IGF1R: variants seen among roughly 807,000 people sequenced by gnomAD.
IGF1R encodes insulin like growth factor 1 receptor.
In IGF1R, 44 loss-of-function variants were observed where a neutral mutation model predicts 144.6. The observed-to-expected ratio is 0.30, with a 90% CI of 0.24 to 0.39. The LOEUF (loss-of-function observed/expected upper bound fraction) is 0.39. Ranked by LOEUF, IGF1R falls within the 10% of genes least tolerant of loss-of-function variation. The probability of loss-of-function intolerance (pLI) is 1.00; values close to 1 mark genes in which losing one functional copy is unlikely to be tolerated. For synonymous variants in IGF1R, 795 were observed against 722.8 expected, an observed-to-expected ratio of 1.10 and a Z score of -1.60; for missense variants, 1,355 against 1,833.7, an observed-to-expected ratio of 0.74 and a Z score of 4.77.
chr15:98,757,449 C>T (rs182386532), intron 2 of IGF1R, among the ~76,000 whole-genome samples: 1 of 152,134 alleles, frequency 6.6e-6, no homozygotes, highest in Non-Finnish European at 1.5e-5. Context: ...CAGGTGTGAG[C>T]CACCACACCG....
chr15:98,853,457 T>C (rs2011626860), intron 2 of IGF1R, among the ~76,000 whole-genome samples: 1 of 152,186 alleles, frequency 6.6e-6, no homozygotes, highest in Non-Finnish European at 1.5e-5. Context: ...GCAGGCAAAA[T>C]GGCAAAATAC....
intron 2 of IGF1R, among the ~76,000 whole-genome samples, chr15:98,867,770 A>G (rs971031459): frequency 3.9e-5 from 6 of 152,230 alleles, no homozygotes; most frequent in African/African-American, 1.4e-4. Flanking sequence ...AGCCATTGTG[A>G]TTAAACACTA....
chr15:98,741,401 C>T (rs1445964260), intron 2 of IGF1R, among the ~76,000 whole-genome samples: 1 of 151,968 alleles, frequency 6.6e-6, no homozygotes, highest in Non-Finnish European at 1.5e-5. Context: ...AATAGTTTTG[C>T]CATTTGGTCT....
intron 2 of IGF1R, among the ~76,000 whole-genome samples, chr15:98,800,353 C>T (rs1379050949): frequency 6.6e-6 from 1 of 152,052 alleles, no homozygotes; most frequent in Non-Finnish European, 1.5e-5. Flanking sequence ...TAGCAGGCTG[C>T]ATAAAGTCTG....
chr15:98,649,929 C>T (rs1056342447), intron 1 of IGF1R, among the ~76,000 whole-genome samples: 1 of 152,186 alleles, frequency 6.6e-6, no homozygotes, highest in Non-Finnish European at 1.5e-5. Flanking sequence ...CTTTCTCCGT[C>T]CTGACAGCCC....
intron 14 of IGF1R, 117 bp downstream of exon 14, chr15:98,929,777 T>A: frequency 1.3e-6 from 1 of 763,002 alleles, no homozygotes; most frequent in African/African-American, 1.7e-5. Context: ...CTGGAAAACC[T>A]GATTTTCCCA....
rs1458417212 is a variant in IGF1R, at chr15:98,704,671, A to G, written c.95-2891A>G. ...AAGTACTGTTTTAGGCACTGGTGATATAATTGTGAACCAACTGGAGCTGCG... is the reference window on the plus strand; with the variant it reads ...AAGTACTGTTTTAGGCACTGGTGATGTAATTGTGAACCAACTGGAGCTGCG... On this transcript the variant is annotated intron_variant, in intron 1 of 20. Transcript: ENST00000650285. The surrounding 1 kb of genome is among the most constrained non-coding windows in gnomAD (Gnocchi z 4.9). Among the ~76,000 whole-genome samples, 3 of 152,194 alleles carry G rather than the reference A, an allele frequency of 2.0e-5. No homozygotes were observed. The highest frequency in any genetic ancestry group is 7.2e-5 in the African/African-American group (3 of 41,448).
intron 12 of IGF1R, 149 bp from the exon 13 acceptor site, chr15:98,924,376 A>T: frequency 1.2e-6 from 1 of 833,122 alleles, no homozygotes; most frequent in East Asian, 2.4e-5. Flanking sequence ...TTAAGATTTG[A>T]TTTCTTTGTC....
chr15:98,795,947 T>G (rs2141424877), intron 2 of IGF1R, among the ~76,000 whole-genome samples: 1 of 152,352 alleles, frequency 6.6e-6, no homozygotes, highest in Admixed American at 6.5e-5. Context: ...AGATTTATAA[T>G]TTACTTTTTG....
At chr15:98,672,106 T>A (rs1265488924) in intron 1 of IGF1R, among the ~76,000 whole-genome samples, 1 of 152,198 alleles carries the variant, frequency 6.6e-6, no homozygotes, top group Non-Finnish European at 1.5e-5. Context: ...TCATAATGTT[T>A]AATGTTTATT....
chr15:98,789,269 C>T (rs7164784), intron 2 of IGF1R, among the ~76,000 whole-genome samples: 7,681 of 152,252 alleles, frequency 0.05, 645 homozygotes, highest in African/African-American at 0.17. Flanking sequence ...ACACATTGTT[C>T]TAGGCTTCTA....
intron 2 of IGF1R, among the ~76,000 whole-genome samples, chr15:98,759,134 T>C (rs1179162066): frequency 6.6e-6 from 1 of 152,192 alleles, no homozygotes; most frequent in Non-Finnish European, 1.5e-5. Flanking sequence ...ATCAATTGTA[T>C]GCCTGTAAGT....
chr15:98,680,130 C>T (rs977900658), intron 1 of IGF1R, among the ~76,000 whole-genome samples: 1 of 152,066 alleles, frequency 6.6e-6, no homozygotes, highest in Non-Finnish European at 1.5e-5. Context: ...CCTAGGTATA[C>T]AGTATTTATA....
chr15:98,749,540 A>C (rs748487049), intron 2 of IGF1R, among the ~76,000 whole-genome samples: 16 of 152,174 alleles, frequency 1.1e-4, no homozygotes, highest in Non-Finnish European at 2.1e-4. Context: ...CATTTTTCTA[A>C]GTTTCCATTA....
At chr15:98,742,625 C>G (rs534206405) in intron 2 of IGF1R, among the ~76,000 whole-genome samples, 6 of 152,204 alleles carry the variant, frequency 3.9e-5, no homozygotes, top group Non-Finnish European at 7.4e-5. Flanking sequence ...TGTTAGCATA[C>G]AATTTGCTGA....
intron 2 of IGF1R, among the ~76,000 whole-genome samples, chr15:98,731,521 T>C (rs1315737872): frequency 6.6e-6 from 1 of 152,222 alleles, no homozygotes; most frequent in Non-Finnish European, 1.5e-5. Flanking sequence ...TGATAACTGC[T>C]CTTACTTATC....
At chr15:98,861,874 C>T (rs370437365) in intron 2 of IGF1R, among the ~76,000 whole-genome samples, 15 of 152,374 alleles carry the variant, frequency 9.8e-5, no homozygotes, top group African/African-American at 3.6e-4. Flanking sequence ...GCAGAATTCT[C>T]ATCTTCTGTT....
chr15:98,873,905 GAGTCTTGGA>G (rs1173633141), intron 2 of IGF1R: 1 of 152,226 alleles, frequency 6.6e-6, no homozygotes, highest in African/African-American at 2.4e-5. Flanking sequence ...TCCAAATACT[GAGTCTTGGA>G]AGTAGATAAT....
At chr15:98,658,748 C>T (rs1197518190) in intron 1 of IGF1R, among the ~76,000 whole-genome samples, 2 of 152,158 alleles carry the variant, frequency 1.3e-5, no homozygotes, top group Non-Finnish European at 2.9e-5. Flanking sequence ...TCCCATTACT[C>T]CTTTTGAGTT....
Sources: gnomAD v4.1 joint callset for allele counts (sites outside exome capture counted in the v4.1 genomes callset) on GRCh38, gnomAD v4.1.1 for gene constraint, Gnocchi (gnomAD v3.1) non-coding constraint, MANE v1.5 for transcripts, NCBI Gene and HGNC (gene_info 2026-07-23, HGNC 2026-07-21) for gene names.